The following DYNC2H1 variants were observed in gnomAD, a reference collection of about 807,000 sequenced individuals.
DYNC2H1 encodes the protein cytoplasmic dynein 2 heavy chain 1.
In DYNC2H1, 410 loss-of-function variants were observed where a neutral mutation model predicts 570.0. That is an observed-to-expected ratio of 0.72 (90% CI 0.66 to 0.78). The LOEUF (loss-of-function observed/expected upper bound fraction) is 0.78, where lower values mean the gene tolerates loss of function less well. DYNC2H1 is among the 30% of genes least tolerant of loss of function. The probability of loss-of-function intolerance (pLI) is 0.00; values close to 1 mark genes in which losing one functional copy is unlikely to be tolerated. For synonymous variants in DYNC2H1, 1,688 were observed against 1,677.6 expected, an observed-to-expected ratio of 1.01 and a Z score of -0.15; for missense variants, 4,865 against 5,046.4, an observed-to-expected ratio of 0.96 and a Z score of 1.09.
rs1309567037 is a variant in DYNC2H1, at chr11:103,191,661, T to C, written c.7540+42T>C. 3 of 1,224,474 alleles carry C rather than the reference T, an allele frequency of 2.5e-6. No individual in the cohort carries two copies. The African/African-American group carries it at 4.5e-5, about 19-fold the overall frequency. The allele number at this position is 1,224,474 out of a possible 1,614,324, so 75.9% of individuals were successfully genotyped here. ...TGTATCTTGTGTGTGTGTGTGTGTG[T>C]GCACATTTATTCTCTAGATTGTATT... On this transcript the variant is annotated intron_variant, in intron 46 of 88. Coordinates refer to ENST00000375735, the MANE Select transcript of DYNC2H1 (RefSeq NM_001377.3).
At position 103,472,934 on chromosome 11, in the gene DYNC2H1, AT is replaced by A. The variant is rs1305987829; in HGVS notation, c.12765+4232del. Among the ~76,000 whole-genome samples the A allele has an allele frequency of 6.6e-6, 1 of 152,160 alleles. No homozygotes were observed. Among genetic ancestry groups the A allele is most frequent in the Admixed American group, 6.6e-5 (1 of 15,262 alleles). ...CAGAAACTTGCCCACTAACCCAGTCATTTGCACAACATTGCTTTGAGTTAGG... is the reference window on the plus strand; with the variant it reads ...CAGAAACTTGCCCACTAACCCAGTCATTGCACAACATTGCTTTGAGTTAGG... On this transcript the variant is annotated intron_variant, in intron 88 of 88. Coordinates refer to ENST00000375735, the MANE Select transcript of DYNC2H1 (RefSeq NM_001377.3). This position sits in a 1 kb window ranked among gnomAD's most constrained non-coding sequence, Gnocchi z 4.1.
chr11:103,137,360 C>G lies in DYNC2H1; in HGVS notation c.2574+1412C>G, dbSNP rs552765317. ...TCTTCTAGGGTTTTTATGGTTTTAG[C>G]TCTAACGTTTAAGTCTTTAATCCAT... On this transcript the variant is annotated intron_variant, in intron 17 of 88. Transcript: ENST00000375735. 4.1e-3 allele frequency among the ~76,000 whole-genome samples: 621 copies of G among 150,352 alleles called. 2 individuals carry two copies. The highest frequency in any genetic ancestry group is 0.014 in the African/African-American group (581 of 40,386).
intron 6 of DYNC2H1, among the ~76,000 whole-genome samples, chr11:103,118,358 A>T (rs561856200): frequency 4.4e-4 from 64 of 144,984 alleles, no homozygotes; most frequent in Admixed American, 9.7e-4. Flanking sequence ...AGACTTTTTT[A>T]AAAAAAAAAA....
chr11:103,156,254 C>A, intron 25 of DYNC2H1, 134 bp from the exon 26 acceptor site: 1 of 812,610 alleles, frequency 1.2e-6, no homozygotes, highest in Non-Finnish European at 1.9e-6. Flanking sequence ...TAAAATAGAG[C>A]CACTTAACTT....
In DYNC2H1 at chr11:103,109,617, A is replaced by T. The variant is rs1380158110; in HGVS notation, c.43A>T (p.Thr15Ser). The change falls in exon 1 of 89, where the codon ACT becomes TCT. Residue 15 changes from threonine to serine, a missense_variant. Thr to Ser is a moderately conservative substitution (Grantham distance 58). Transcript: ENST00000375735. ...GGACGTTCGGAAGCTCTTCATCTTCACTACTACCCAGAATTACTTCGGGTT... is the reference window on the plus strand; with the variant it reads ...GGACGTTCGGAAGCTCTTCATCTTCTCTACTACCCAGAATTACTTCGGGTT... ...TADVRKLFIF[T>S]TTQNYFGLMS... 1.2e-6 allele frequency: 2 copies of T among 1,613,178 alleles called. No homozygotes were observed. Among genetic ancestry groups the T allele is most frequent in the Admixed American group, 1.7e-5 (1 of 59,980 alleles).
intron 82 of DYNC2H1, among the ~76,000 whole-genome samples, chr11:103,344,779 A>ATG (rs1939652550): frequency 1.3e-5 from 2 of 152,198 alleles, no homozygotes; most frequent in Non-Finnish European, 2.9e-5. Context: ...CACTTAATAT[A>ATG]TACAAAAGAA....
chr11:103,300,420 G>A (rs1486608887), intron 75 of DYNC2H1, among the ~76,000 whole-genome samples: 1 of 151,858 alleles, frequency 6.6e-6, no homozygotes, highest in Non-Finnish European at 1.5e-5. Context: ...ATATTAAATA[G>A]TTTTGAATGA....
chr11:103,441,854 A>G (rs1565602710), intron 85 of DYNC2H1, among the ~76,000 whole-genome samples: 1 of 151,964 alleles, frequency 6.6e-6, no homozygotes, highest in African/African-American at 2.4e-5. Flanking sequence ...TTAGGTTTTC[A>G]CTCATTTTTT....
chr11:103,392,445 A>T (rs2266153), intron 83 of DYNC2H1, among the ~76,000 whole-genome samples: 2 of 152,108 alleles, frequency 1.3e-5, no homozygotes, highest in Non-Finnish European at 2.9e-5. Context: ...CCTTGCGCTT[A>T]CTGGGTGAGG....
chr11:103,300,370 G>T (rs1053789778), intron 75 of DYNC2H1, among the ~76,000 whole-genome samples: 10 of 151,948 alleles, frequency 6.6e-5, no homozygotes, highest in African/African-American at 2.4e-4. Context: ...AGTTTTACAT[G>T]ATAATTCACA....
chr11:103,303,146 A>G lies in DYNC2H1; in HGVS notation c.11149A>G (p.Thr3717Ala), dbSNP rs1323770883. ...PLNLKRLYKE[T>A]LEIEPILIII... ...AAATCTCAAACGTTTATACAAAGAG[A>G]CACTGGAAATTGAACCCATCTTGAT... The change falls in exon 76 of 89, where the codon ACA (threonine) becomes GCA (alanine). Residue 3717 changes from threonine to alanine, a missense_variant. Thr to Ala is a moderately conservative substitution (Grantham distance 58). Around this residue, in one of 5 missense-constraint regions of DYNC2H1, gnomAD observed 2,401 missense variants for 2,454.6 expected, o/e 0.98. Coordinates refer to ENST00000375735, the MANE Select transcript of DYNC2H1 (RefSeq NM_001377.3). 12 of 1,611,536 alleles carry G rather than the reference A, an allele frequency of 7.4e-6. No individual in the cohort carries two copies. The highest frequency in any genetic ancestry group is 1.0e-5 in the Non-Finnish European group (12 of 1,178,492).
At chr11:103,165,500 TTTTGAA>T (rs1436873912) in intron 30 of DYNC2H1, among the ~76,000 whole-genome samples, 2 of 152,216 alleles carry the variant, frequency 1.3e-5, no homozygotes, top group Non-Finnish European at 2.9e-5. Flanking sequence ...TAAGAAATTA[TTTTGAA>T]ATGCTAAAGA....
chr11:103,475,930 T>C (rs1010941329), intron 88 of DYNC2H1, among the ~76,000 whole-genome samples: 5 of 152,204 alleles, frequency 3.3e-5, no homozygotes, highest in Non-Finnish European at 1.5e-5. Flanking sequence ...ATTTCAGTTT[T>C]GATCATAGAA....
chr11:103,120,916 T>G lies in DYNC2H1; in HGVS notation c.1249-9T>G. 4 of 1,434,540 alleles carry G rather than the reference T, an allele frequency of 2.8e-6. No homozygotes were observed. Among genetic ancestry groups the G allele is most frequent in the Non-Finnish European group, 3.7e-6 (4 of 1,090,114 alleles). 88.9% of individuals were successfully genotyped at this position (1,434,540 alleles called of 1,614,324 possible). On this transcript the variant is annotated splice_polypyrimidine_tract_variant and intron_variant, in intron 8 of 88. Coordinates refer to ENST00000375735, the MANE Select transcript of DYNC2H1 (RefSeq NM_001377.3). Reference sequence around the variant, plus strand: ...GGGATGAACATGTACTTATTTTATTTTATATTAGCTTCTTCAAGCATTCCT... The same window carrying G: ...GGGATGAACATGTACTTATTTTATTGTATATTAGCTTCTTCAAGCATTCCT...
rs952069463 is a variant in DYNC2H1 at position 103,461,847 on chromosome 11, CTTTTTCTCT to C, written c.12648+5499_12648+5507del. Among the ~76,000 whole-genome samples the C allele has an allele frequency of 1.3e-5, 2 of 151,790 alleles. No homozygotes were observed. Among genetic ancestry groups the C allele is most frequent in the African/African-American group, 4.8e-5 (2 of 41,304 alleles). ...GTTTTAAGATTTAGAAACATTCCACCTTTTTCTCTTTTTTCTTGCTAAAACACATTTCAG... is the reference window on the plus strand; with the variant it reads ...GTTTTAAGATTTAGAAACATTCCACCTTTTTCTTGCTAAAACACATTTCAG... On this transcript the variant is annotated intron_variant, in intron 87 of 88. Transcript: ENST00000375735. The surrounding 1 kb of genome is among the most constrained non-coding windows in gnomAD (Gnocchi z 4.8).
At chr11:103,406,079 A>G (rs946119043) in intron 84 of DYNC2H1, 3 of 152,054 alleles carry the variant, frequency 2.0e-5, no homozygotes, top group Non-Finnish European at 4.4e-5. Flanking sequence ...GCAAGGGCTT[A>G]GGTTAATTAA....
intron 82 of DYNC2H1, among the ~76,000 whole-genome samples, chr11:103,356,081 G>C (rs1940321287): frequency 1.3e-5 from 2 of 152,124 alleles, no homozygotes; most frequent in African/African-American, 4.8e-5. Context: ...TGGGTAGAAA[G>C]TGGAAGAATT....
chr11:103,354,675 C>T (rs1940244030), intron 82 of DYNC2H1, among the ~76,000 whole-genome samples: 1 of 151,974 alleles, frequency 6.6e-6, no homozygotes, highest in African/African-American at 2.4e-5. Context: ...TATATTTTCT[C>T]AAAAAATAAT....
intron 83 of DYNC2H1, among the ~76,000 whole-genome samples, chr11:103,362,796 G>A (rs537465584): frequency 1.1e-4 from 17 of 152,206 alleles, no homozygotes; most frequent in South Asian, 2.1e-4. Context: ...TTGGGAGGCC[G>A]AAGTGGGAGG....
Sources: allele counts gnomAD v4.1 joint callset (sites outside exome capture counted in the v4.1 genomes callset), GRCh38; gene constraint gnomAD v4.1.1; regional missense constraint gnomAD v4.1.1; non-coding constraint Gnocchi (gnomAD v3.1); transcripts MANE v1.5; gene names NCBI Gene and HGNC (gene_info 2026-07-23, HGNC 2026-07-21).